Variants in NKAIN3 observed in about 807,000 individuals in gnomAD.
NKAIN3 encodes the protein sodium/potassium-transporting ATPase subunit beta-1-interacting protein 3.
In NKAIN3, 25 loss-of-function variants were observed where a neutral mutation model predicts 30.2. The observed-to-expected ratio is 0.83, with a 90% confidence interval of 0.60 to 1.16. The LOEUF (loss-of-function observed/expected upper bound fraction) is 1.16. Among genes scored for constraint, NKAIN3 ranks in the 50% most tolerant of loss-of-function variants. The probability of loss-of-function intolerance (pLI) is 0.00; values close to 1 mark genes in which losing one functional copy is unlikely to be tolerated. For missense variants in NKAIN3, 225 were observed against 254.1 expected (o/e 0.89, Z 0.78); for synonymous variants, 91 against 89.6 (o/e 1.02, Z -0.09).
At chr8:62,477,426 G>A (rs540581196) in intron 1 of NKAIN3, among the ~76,000 whole-genome samples, 6 of 152,284 alleles carry the variant, frequency 3.9e-5, no homozygotes, top group African/African-American at 1.4e-4. Flanking sequence ...AGGCAATGAG[G>A]GAAAGAGCAA....
chr8:62,800,482 C>G (rs571839006), intron 4 of NKAIN3, among the ~76,000 whole-genome samples: 1 of 152,262 alleles, frequency 6.6e-6, no homozygotes, highest in South Asian at 2.1e-4. Flanking sequence ...AGATCTATTT[C>G]TAAAAGGAGG....
intron 3 of NKAIN3, among the ~76,000 whole-genome samples, chr8:62,677,493 A>C (rs1204882411): frequency 6.6e-6 from 1 of 152,250 alleles, no homozygotes; most frequent in African/African-American, 2.4e-5. Flanking sequence ...CAGTAGAGAT[A>C]GCAAGAGTGC....
chr8:62,744,912 TTTA>T (rs1296538443), intron 3 of NKAIN3, among the ~76,000 whole-genome samples: 2 of 152,208 alleles, frequency 1.3e-5, no homozygotes, highest in African/African-American at 4.8e-5. Flanking sequence ...CATAACATGT[TTTA>T]TTATTGATAT....
rs1819558857 is a variant in NKAIN3, at chr8:62,842,383, AT to A, written c.472-76069del. ...GAAGAAAACACAAATAAATTGAAAA[AT>A]ATCCCATCTCTATGGACTGAAATAA... On this transcript the variant is annotated intron_variant, in intron 4 of 6. Coordinates refer to ENST00000623646, the MANE Select transcript of NKAIN3 (RefSeq NM_001304533.3). Among the ~76,000 whole-genome samples, 8 of 152,146 alleles carry A rather than the reference AT, an allele frequency of 5.3e-5. No homozygotes were observed. In the South Asian group the frequency reaches 1.7e-3, roughly 32 times the overall value.
chr8:62,715,844 G>T (rs1204773614), intron 3 of NKAIN3, among the ~76,000 whole-genome samples: 1 of 152,130 alleles, frequency 6.6e-6, no homozygotes, highest in Non-Finnish European at 1.5e-5. Context: ...CTGGAGCTGA[G>T]GGTAGAGTCA....
In NKAIN3 at chr8:62,966,510, C is replaced by G; in HGVS notation, c.*1103C>G. 4.3e-6 allele frequency: 2 copies of G among 465,418 alleles called. No individual in the cohort carries two copies. The highest frequency in any genetic ancestry group is 5.6e-6 in the Non-Finnish European group (2 of 354,938). 28.8% of individuals were successfully genotyped at this position (465,418 alleles called of 1,614,324 possible). A position where few individuals can be genotyped will look rare whatever the true frequency, so the allele number is the denominator to read the frequency against. The stretch of plus-strand genomic sequence containing the variant: ...TGATTAGTTTTGAAAAATGTACATA[C>G]CCATGTAACCAAGGCCTCAATCAAA... On this transcript the variant is annotated 3_prime_UTR_variant, in exon 7 of 7. Transcript: ENST00000623646.
chr8:62,864,660 T>A (rs1820365802), intron 4 of NKAIN3, among the ~76,000 whole-genome samples: 1 of 152,178 alleles, frequency 6.6e-6, no homozygotes, highest in African/African-American at 2.4e-5. Context: ...GCTCTGTGCT[T>A]TCTGAGGGAT....
Position 62,400,728 on chromosome 8 carries a change from A to G in NKAIN3, c.54+151601A>G, listed in dbSNP as rs74878640. Among the ~76,000 whole-genome samples, 196 of 151,264 alleles carry G rather than the reference A, an allele frequency of 1.3e-3. 1 individual carries two copies. The East Asian group carries it at 0.013, about 10-fold the overall frequency. ...TTTTTTTTTTCTTTTGACACTTTAC[A>G]TATGTCTTGCCACTGTCTCCTGTCC... On this transcript the variant is annotated intron_variant, in intron 1 of 6. Coordinates refer to ENST00000623646, the MANE Select transcript of NKAIN3 (RefSeq NM_001304533.3).
chr8:62,573,898 T>C (rs1810024297), intron 1 of NKAIN3, among the ~76,000 whole-genome samples: 1 of 152,176 alleles, frequency 6.6e-6, no homozygotes, highest in South Asian at 2.1e-4. Context: ...AATTATACTT[T>C]TGTAGCTATT....
intron 1 of NKAIN3, among the ~76,000 whole-genome samples, chr8:62,285,195 C>T (rs746481487): frequency 7.2e-5 from 11 of 152,106 alleles, no homozygotes; most frequent in Non-Finnish European, 1.5e-4. Context: ...GAAAACGTCA[C>T]TGTAAAATGG....
At chr8:62,735,403 A>G (rs1430202655) in intron 3 of NKAIN3, among the ~76,000 whole-genome samples, 3 of 132,590 alleles carry the variant, frequency 2.3e-5, no homozygotes, top group African/African-American at 8.8e-5. Context: ...TTGAGCTCTG[A>G]AGTTCTTTAT....
chr8:62,967,762 A>G lies in NKAIN3; in HGVS notation c.*2355A>G, dbSNP rs561240919. On this transcript the variant is annotated 3_prime_UTR_variant, in exon 7 of 7. Coordinates refer to ENST00000623646, the MANE Select transcript of NKAIN3 (RefSeq NM_001304533.3). Reference sequence around the variant, plus strand: ...AAAAGGATAAAATGAGTATTGACATATTTTAAACTGTCACTTAATTACCCC... The same window carrying G: ...AAAAGGATAAAATGAGTATTGACATGTTTTAAACTGTCACTTAATTACCCC... 1.3e-5 allele frequency among the ~76,000 whole-genome samples: 2 copies of G among 152,330 alleles called. No homozygotes were observed. Among genetic ancestry groups the G allele is most frequent in the African/African-American group, 4.8e-5 (2 of 41,590 alleles).
chr8:62,777,268 C>T (rs1298648325), intron 4 of NKAIN3, among the ~76,000 whole-genome samples: 1 of 152,122 alleles, frequency 6.6e-6, no homozygotes, highest in Non-Finnish European at 1.5e-5. Flanking sequence ...GATATTATCC[C>T]TTTGAATAAA....
rs565841536 is a variant in NKAIN3, at chr8:62,825,110, A to G, written c.471+77981A>G. Among the ~76,000 whole-genome samples the G allele has an allele frequency of 8.5e-5, 13 of 152,290 alleles. No individual in the cohort carries two copies. In the South Asian group the frequency reaches 1.0e-3, roughly 12 times the overall value. ...AGGACCAAGTCCATGGACCCCACCC[A>G]TTGCCTTACACTATCTCTGCCAATG... On this transcript the variant is annotated intron_variant, in intron 4 of 6. Transcript: ENST00000623646.
intron 1 of NKAIN3, among the ~76,000 whole-genome samples, chr8:62,487,628 T>G (rs1806943440): frequency 6.6e-6 from 1 of 152,208 alleles, no homozygotes; most frequent in South Asian, 2.1e-4. Context: ...TGTATTTTTT[T>G]CAAGTTTTGA....
rs747087217 is a variant in NKAIN3, at chr8:62,952,469, A to C, written c.533-1433A>C. 6.6e-5 allele frequency among the ~76,000 whole-genome samples: 10 copies of C among 152,330 alleles called. No individual in the cohort carries two copies. In the South Asian group the frequency reaches 1.9e-3, roughly 28 times the overall value. ...GATGAGGCTAATGTTGAAAACAAAA[A>C]GAAATTCATCATGAAAGAATGTACA... On this transcript the variant is annotated intron_variant, in intron 5 of 6. Coordinates refer to ENST00000623646, the MANE Select transcript of NKAIN3 (RefSeq NM_001304533.3).
intron 1 of NKAIN3, among the ~76,000 whole-genome samples, chr8:62,328,166 T>G (rs1815207246): frequency 6.6e-6 from 1 of 152,128 alleles, no homozygotes; most frequent in South Asian, 2.1e-4. Flanking sequence ...TAAATGACAT[T>G]TAATGTAGTA....
intron 2 of NKAIN3, among the ~76,000 whole-genome samples, chr8:62,583,719 A>G (rs748792677): frequency 1.4e-4 from 21 of 152,208 alleles, no homozygotes; most frequent in Non-Finnish European, 2.6e-4. Flanking sequence ...ATTCCAGATG[A>G]TAATGTTACC....
chr8:62,371,805 G>T (rs951974026), intron 1 of NKAIN3, among the ~76,000 whole-genome samples: 2 of 151,606 alleles, frequency 1.3e-5, no homozygotes, highest in Non-Finnish European at 3.0e-5. Context: ...GCTGTTTCTA[G>T]TTTCAGACTA....
Sources: allele counts gnomAD v4.1 joint callset (sites outside exome capture counted in the v4.1 genomes callset), GRCh38; gene constraint gnomAD v4.1.1; transcripts MANE v1.5; gene names NCBI Gene and HGNC (gene_info 2026-07-23, HGNC 2026-07-21).